DPP9: variants seen among roughly 807,000 people sequenced by gnomAD.
DPP9 encodes dipeptidyl peptidase 9.
In DPP9, 50 loss-of-function variants were observed where a neutral mutation model predicts 110.7. That is an observed-to-expected ratio of 0.45 (90% CI 0.36 to 0.57). The LOEUF is 0.57. DPP9 is among the 20% of genes least tolerant of loss of function. DPP9 has a pLI of 0.00. For synonymous variants in DPP9, 561 were observed against 514.4 expected, an observed-to-expected ratio of 1.09 and a Z score of -1.23; for missense variants, 1,022 against 1,217.9, an observed-to-expected ratio of 0.84 and a Z score of 2.39.
chr19:4,704,332 G>T lies in DPP9; in HGVS notation c.427-28C>A, dbSNP rs1452952218. 1 of 1,589,986 alleles carries T rather than the reference G, an allele frequency of 6.3e-7. No homozygotes were observed. Among genetic ancestry groups the T allele is most frequent in the Non-Finnish European group, 8.6e-7 (1 of 1,166,594 alleles). ...GGAAACATACAGGGGACAGGGGGCA[G>T]CGTCAGTGGGCAAAGAGGATCTCCC... On this transcript the variant is annotated intron_variant, in intron 5 of 21. Coordinates refer to ENST00000262960, the MANE Select transcript of DPP9 (RefSeq NM_139159.5). This position sits in a 1 kb window ranked among gnomAD's most constrained non-coding sequence, Gnocchi z 6.0.
intron 1 of DPP9, chr19:4,722,803 C>T: frequency 2.2e-6 from 1 of 450,350 alleles, no homozygotes; most frequent in Non-Finnish European, 4.0e-6. Flanking sequence ...GTCCACACCC[C>T]CTGGGCTTTA....
At chr19:4,722,398 G>C (rs2093362174) in intron 2 of DPP9, 101 bp downstream of exon 2, 1 of 649,808 alleles carries the variant, frequency 1.5e-6, no homozygotes, top group African/African-American at 1.8e-5. Context: ...CAGGGCCATA[G>C]AAAACCATTT....
Position 4,694,581 on chromosome 19 carries a change from G to A in DPP9, c.1516+80C>T, listed in dbSNP as rs1404956056. 1.3e-6 allele frequency: 2 copies of A among 1,510,902 alleles called. No homozygotes were observed. The highest frequency in any genetic ancestry group is 1.4e-5 in the African/African-American group (1 of 72,246). The allele number at this position is 1,510,902 out of a possible 1,614,324, so 93.6% of individuals were successfully genotyped here. Reference sequence around the variant, plus strand: ...CAGGGTGTGCTGGCTGAGTGGGGGGGCCGACCAATGAACAAACAGCATATT... The same window carrying A: ...CAGGGTGTGCTGGCTGAGTGGGGGGACCGACCAATGAACAAACAGCATATT... On this transcript the variant is annotated intron_variant, in intron 13 of 21. Coordinates refer to ENST00000262960, the MANE Select transcript of DPP9 (RefSeq NM_139159.5). The surrounding 1 kb of genome is among the most constrained non-coding windows in gnomAD (Gnocchi z 4.0).
chr19:4,684,716 T>G lies in DPP9; in HGVS notation c.2125A>C (p.Arg709=). The G allele has an allele frequency of 6.2e-7, 1 of 1,612,058 alleles. No homozygotes were observed. Among genetic ancestry groups the G allele is most frequent in the Non-Finnish European group, 8.5e-7 (1 of 1,179,160 alleles). Residue 709 remains arginine (R), a synonymous_variant, in exon 18 of 22, where the codon AGG becomes CGG. Transcript: ENST00000262960. The surrounding 1 kb of genome is among the most constrained non-coding windows in gnomAD (Gnocchi z 4.8). ...LGYAVVVIDG[R]GSCQRGLRFE... ...CGAAGCCCTCGCTGACAGGAGCCCC[T>G]GCCGTCAATCACAACCACGGCGTAG... is the stretch of plus-strand genomic sequence containing the variant.
chr19:4,697,151 C>T (rs925994067), intron 11 of DPP9, among the ~76,000 whole-genome samples: 2 of 151,896 alleles, frequency 1.3e-5, no homozygotes, highest in African/African-American at 2.4e-5. Context: ...TTGGGGCCCC[C>T]GTTTAGGGAG....
Position 4,689,792 on chromosome 19 carries a change from C to T in DPP9, c.1597-70G>A. 6.9e-7 allele frequency: 1 copy of T among 1,446,568 alleles called. No homozygotes were observed. The highest frequency in any genetic ancestry group is 9.3e-7 in the Non-Finnish European group (1 of 1,080,018). 89.6% of individuals were successfully genotyped at this position (1,446,568 alleles called of 1,614,324 possible). On this transcript the variant is annotated intron_variant, in intron 14 of 21. Coordinates refer to ENST00000262960, the MANE Select transcript of DPP9 (RefSeq NM_139159.5). The surrounding 1 kb of genome is among the most constrained non-coding windows in gnomAD (Gnocchi z 7.0). ...TGGGCCCACACCCCTCTCCACGCCC[C>T]ACAGGAGTGGGCCCCATGTTCCTCG...
At chr19:4,692,335 A>C (rs907270650) in intron 13 of DPP9, among the ~76,000 whole-genome samples, 1 of 152,098 alleles carries the variant, frequency 6.6e-6, no homozygotes, top group Non-Finnish European at 1.5e-5. Flanking sequence ...AGGTCTAAAC[A>C]AGCTACGGCA....
At chr19:4,713,121 G>A (rs376826277) in intron 4 of DPP9, among the ~76,000 whole-genome samples, 2 of 152,216 alleles carry the variant, frequency 1.3e-5, no homozygotes, top group Admixed American at 6.5e-5. Flanking sequence ...GGCCAGGAAC[G>A]CTGCTCAGGA....
At position 4,689,605 on chromosome 19, in the gene DPP9, T is replaced by C; in HGVS notation, c.1714A>G (p.Thr572Ala). 6.4e-7 allele frequency: 1 copy of C among 1,573,536 alleles called. No homozygotes were observed. Among genetic ancestry groups the C allele is most frequent in the Admixed American group, 1.8e-5 (1 of 54,590 alleles). The change falls in exon 15 of 22, where the codon ACG becomes GCG. Residue 572 changes from threonine to alanine, a missense_variant. By Grantham distance (58) the Thr-to-Ala change is moderately conservative. Transcript: ENST00000262960. This position sits in a 1 kb window ranked among gnomAD's most constrained non-coding sequence, Gnocchi z 7.0. ...EAAGEIVRLT[T>A]PGFSHSCSMS... ...GAGCAGCTATGGGAGAAGCCGGGCG[T>C]GGTGAGGCGTACGATCTCGCCGGCC... is the stretch of plus-strand genomic sequence containing the variant.
At chr19:4,696,057 T>C (rs1235716054) in intron 11 of DPP9, among the ~76,000 whole-genome samples, 1 of 152,036 alleles carries the variant, frequency 6.6e-6, no homozygotes, top group Admixed American at 6.6e-5. Flanking sequence ...CCTGCCACCA[T>C]GCCCGGCTAA....
At chr19:4,681,860 T>C (rs912678903) in intron 20 of DPP9, among the ~76,000 whole-genome samples, 47 of 147,926 alleles carry the variant, frequency 3.2e-4, no homozygotes, top group African/African-American at 1.1e-3. Context: ...TTTTTTTTTT[T>C]TTTTGAATTG....
intron 21 of DPP9, among the ~76,000 whole-genome samples, chr19:4,678,121 T>C (rs890681945): frequency 3.3e-5 from 5 of 151,960 alleles, no homozygotes; most frequent in African/African-American, 1.2e-4. Flanking sequence ...TTCTTTTTTT[T>C]TTTTCTTTTG....
chr19:4,703,239 G>C (rs1221939230), intron 7 of DPP9, among the ~76,000 whole-genome samples: 2 of 152,156 alleles, frequency 1.3e-5, no homozygotes, highest in Non-Finnish European at 2.9e-5. Context: ...TGGACAGGCA[G>C]AGTGGAGGGG....
At position 4,694,002 on chromosome 19, in the gene DPP9, T is replaced by C. The variant is rs562795154; in HGVS notation, c.1516+659A>G. On this transcript the variant is annotated intron_variant, in intron 13 of 21. Coordinates refer to ENST00000262960, the MANE Select transcript of DPP9 (RefSeq NM_139159.5). This position sits in a 1 kb window ranked among gnomAD's most constrained non-coding sequence, Gnocchi z 4.0. ...GCTCTCCAGAGACGTCCTCATGCCCTCCCGTTGTAGAAAGAAGGCCCCTCA... is the reference window on the plus strand; with the variant it reads ...GCTCTCCAGAGACGTCCTCATGCCCCCCCGTTGTAGAAAGAAGGCCCCTCA... Among the ~76,000 whole-genome samples, 7 of 152,018 alleles carry C rather than the reference T, an allele frequency of 4.6e-5. No individual in the cohort carries two copies. Among genetic ancestry groups the C allele is most frequent in the African/African-American group, 1.2e-4 (5 of 41,482 alleles).
intron 7 of DPP9, among the ~76,000 whole-genome samples, chr19:4,703,568 G>A (rs2092417593): frequency 1.3e-5 from 2 of 151,698 alleles, no homozygotes; most frequent in African/African-American, 4.8e-5. Flanking sequence ...CCCAAGAGGC[G>A]GAAGTTGCAG....
chr19:4,722,520 C>T lies in DPP9; in HGVS notation c.-57G>A. The T allele has an allele frequency of 1.4e-6, 1 of 703,148 alleles. No homozygotes were observed. The highest frequency in any genetic ancestry group is 2.6e-6 in the Non-Finnish European group (1 of 385,024). 43.6% of individuals were successfully genotyped at this position (703,148 alleles called of 1,614,324 possible). A position where few individuals can be genotyped will look rare whatever the true frequency, so the allele number is the denominator to read the frequency against. ...TGACCTTCTAAAGGGTCCAGAGAGCCTCCATTCCAGCTGCAGGCGTGGGAC... is the reference window on the plus strand; with the variant it reads ...TGACCTTCTAAAGGGTCCAGAGAGCTTCCATTCCAGCTGCAGGCGTGGGAC... On this transcript the variant is annotated 5_prime_UTR_variant, in exon 2 of 22. Transcript: ENST00000262960.
At chr19:4,709,965 A>G (rs1798644343) in intron 4 of DPP9, among the ~76,000 whole-genome samples, 1 of 152,148 alleles carries the variant, frequency 6.6e-6, no homozygotes. Context: ...ATCAATGATC[A>G]CCAAATGGCC....
chr19:4,683,904 A>T (rs943408406), intron 18 of DPP9: 1 of 1,270,728 alleles, frequency 7.9e-7, no homozygotes, highest in African/African-American at 1.5e-5. Flanking sequence ...TAATAAAGGG[A>T]CATTAACAGG....
intron 2 of DPP9, 153 bp downstream of exon 2, chr19:4,722,346 G>A (rs1251860366): frequency 2.6e-5 from 15 of 583,896 alleles, no homozygotes; most frequent in Admixed American, 1.5e-4. Context: ...TCCAGCAGGC[G>A]CACAAAAAAC....
Sources: gnomAD v4.1 joint callset for allele counts (sites outside exome capture counted in the v4.1 genomes callset) on GRCh38, gnomAD v4.1.1 for gene constraint, Gnocchi (gnomAD v3.1) non-coding constraint, MANE v1.5 for transcripts, NCBI Gene and HGNC (gene_info 2026-07-23, HGNC 2026-07-21) for gene names.